Variants in CSPP1 observed in about 807,000 individuals in gnomAD.
CSPP1 encodes centrosome and spindle pole-associated protein 1.
Under a neutral mutation model 164.4 loss-of-function variants are expected in CSPP1, and 126 were observed. The ratio of observed to expected loss-of-function variants is 0.77; its 90% CI spans 0.66 to 0.89. The LOEUF is 0.89. CSPP1 is among the 40% of genes least tolerant of loss of function. CSPP1 has a pLI of 0.00. For synonymous variants in CSPP1, 472 were observed against 476.7 expected, an observed-to-expected ratio of 0.99 and a Z score of 0.13; for missense variants, 1,395 against 1,449.8, an observed-to-expected ratio of 0.96 and a Z score of 0.61.
At chr8:67,192,767 G>C (rs1211483527) in intron 29 of CSPP1, among the ~76,000 whole-genome samples, 1 of 152,190 alleles carries the variant, frequency 6.6e-6, no homozygotes. Flanking sequence ...TTTAAAGACT[G>C]TTCTCCCACT....
At chr8:67,068,439 T>A (rs553778796) in intron 1 of CSPP1, among the ~76,000 whole-genome samples, 9 of 152,350 alleles carry the variant, frequency 5.9e-5, no homozygotes, top group African/African-American at 1.4e-4. Context: ...TTGAAAAAAG[T>A]TGTGAGTGAC....
chr8:67,096,914 A>G (rs893860810), intron 7 of CSPP1, among the ~76,000 whole-genome samples: 25 of 152,182 alleles, frequency 1.6e-4, no homozygotes, highest in African/African-American at 6.0e-4. Flanking sequence ...TGAAAAAAGG[A>G]TACCTTAAAA....
intron 13 of CSPP1, among the ~76,000 whole-genome samples, chr8:67,116,895 T>C (rs564437579): frequency 6.6e-6 from 1 of 152,216 alleles, no homozygotes; most frequent in Non-Finnish European, 1.5e-5. Flanking sequence ...TTTTAGTTAC[T>C]AACCAACTGT....
chr8:67,124,045 G>A (rs1347909913), intron 15 of CSPP1, among the ~76,000 whole-genome samples: 3 of 149,410 alleles, frequency 2.0e-5, no homozygotes, highest in East Asian at 4.0e-4. Flanking sequence ...GACTACAGGC[G>A]CCCGCCACCA....
intron 4 of CSPP1, 23 bp from the exon 5 acceptor site, chr8:67,091,780 T>A: frequency 1.1e-6 from 1 of 914,934 alleles, no homozygotes; most frequent in Non-Finnish European, 1.5e-6. Context: ...GGTAATATAT[T>A]TTTTTAATGT....
intron 10 of CSPP1, among the ~76,000 whole-genome samples, chr8:67,113,202 G>A (rs1416427932): frequency 2.6e-5 from 4 of 152,086 alleles, no homozygotes; most frequent in Non-Finnish European, 5.9e-5. Flanking sequence ...CTGAGATAAC[G>A]CCAGTGCATT....
Position 67,095,451 on chromosome 8 carries a change from G to T in CSPP1, c.642G>T (p.Glu214Asp). Reference sequence around the variant, plus strand: ...TTCTGAACCAAAGACGACTAGAGGAGGACAGATACCGACAACTAGATGATG... The same window carrying T: ...TTCTGAACCAAAGACGACTAGAGGATGACAGATACCGACAACTAGATGATG... ...EELLNQRRLEEDRYRQLDDEI... is the reference protein window; with the variant it reads ...EELLNQRRLEDDRYRQLDDEI... Residue 214 changes from glutamate to aspartate, a missense_variant, in exon 7 of 31, where the codon GAG becomes GAT. Physicochemically the swap from Glu to Asp is conservative, Grantham distance 45 (BLOSUM62 2). Transcript: ENST00000678616. 6.2e-7 allele frequency: 1 copy of T among 1,613,328 alleles called. No homozygotes were observed. Among genetic ancestry groups the T allele is most frequent in the Non-Finnish European group, 8.5e-7 (1 of 1,179,876 alleles).
Position 67,121,179 on chromosome 8 carries a change from C to T in CSPP1, c.1697+2358C>T, listed in dbSNP as rs1818895231. ...CTTATTTTTCTTTCTTAATTACTTT[C>T]TTAATTACCCTGACTAGAGCTTCCA... is the stretch of plus-strand genomic sequence containing the variant. On this transcript the variant is annotated intron_variant, in intron 15 of 30. Coordinates refer to ENST00000678616, the MANE Select transcript of CSPP1 (RefSeq NM_001382391.1). Among the ~76,000 whole-genome samples the T allele has an allele frequency of 2.0e-5, 3 of 152,184 alleles. No homozygotes were observed. In the East Asian group the frequency reaches 5.8e-4, roughly 29 times the overall value.
At position 67,196,588 on chromosome 8, in the gene CSPP1, G is replaced by A. The variant is rs1296848559; in HGVS notation, c.*995G>A. ...TTGGTAGACAATATCAGACAAATTTGCCACAATTAAATTACTGATATTTTG... is the reference window on the plus strand; with the variant it reads ...TTGGTAGACAATATCAGACAAATTTACCACAATTAAATTACTGATATTTTG... On this transcript the variant is annotated 3_prime_UTR_variant, in exon 31 of 31. Coordinates refer to ENST00000678616, the MANE Select transcript of CSPP1 (RefSeq NM_001382391.1). 6.6e-6 allele frequency among the ~76,000 whole-genome samples: 1 copy of A among 152,098 alleles called. No individual in the cohort carries two copies. The highest frequency in any genetic ancestry group is 2.4e-5 in the African/African-American group (1 of 41,388).
At position 67,193,577 on chromosome 8, in the gene CSPP1, A is replaced by G; in HGVS notation, c.3444A>G (p.Glu1148=). The change falls in exon 30 of 31, where the codon GAA becomes GAG. Residue 1148 remains glutamate (E), a synonymous_variant. Coordinates refer to ENST00000678616, the MANE Select transcript of CSPP1 (RefSeq NM_001382391.1). Reference sequence around the variant, plus strand: ...AGGAACGAATGCGAAGACTGAATGAATTTCACAATAAACCTATTAATACAG... The same window carrying G: ...AGGAACGAATGCGAAGACTGAATGAGTTTCACAATAAACCTATTAATACAG... ...RNEERMRRLN[E]FHNKPINTDD... is the part of the protein sequence containing the mutation. 6.2e-7 allele frequency: 1 copy of G among 1,613,738 alleles called. No individual in the cohort carries two copies. Among genetic ancestry groups the G allele is most frequent in the Non-Finnish European group, 8.5e-7 (1 of 1,179,698 alleles).
At chr8:67,138,878 T>C (rs1355287334) in intron 17 of CSPP1, among the ~76,000 whole-genome samples, 2 of 152,224 alleles carry the variant, frequency 1.3e-5, no homozygotes, top group Non-Finnish European at 2.9e-5. Flanking sequence ...GCCTATGTCC[T>C]GAATGGTATT....
intron 15 of CSPP1, among the ~76,000 whole-genome samples, chr8:67,121,867 T>G (rs572940048): frequency 1.0e-3 from 153 of 152,232 alleles, no homozygotes; most frequent in Non-Finnish European, 1.9e-3. Flanking sequence ...AGATTTTCTT[T>G]TTCTTCATGA....
At chr8:67,179,535 A>G (rs1832512548) in intron 27 of CSPP1, among the ~76,000 whole-genome samples, 1 of 152,198 alleles carries the variant, frequency 6.6e-6, no homozygotes, top group Non-Finnish European at 1.5e-5. Context: ...ACTGTATTAT[A>G]TTTTCCATCA....
intron 16 of CSPP1, 77 bp from the exon 17 acceptor site, chr8:67,137,379 A>T: frequency 8.9e-7 from 1 of 1,126,106 alleles, no homozygotes; most frequent in Non-Finnish European, 1.2e-6. Context: ...AATACAAAAA[A>T]TAACATCTGG....
intron 1 of CSPP1, among the ~76,000 whole-genome samples, chr8:67,072,697 A>C (rs1001227894): frequency 2.6e-5 from 4 of 151,966 alleles, no homozygotes; most frequent in African/African-American, 9.7e-5. Context: ...TGTGTCTGCA[A>C]TAAACAAACA....
rs770665386 is a variant in CSPP1, at chr8:67,095,627, A to G, written c.818A>G (p.Tyr273Cys). The change falls in exon 7 of 31, where the codon TAT becomes TGT. Residue 273 changes from tyrosine (Y) to cysteine (C), a missense_variant. Coordinates refer to ENST00000678616, the MANE Select transcript of CSPP1 (RefSeq NM_001382391.1). The part of the protein sequence containing the change: ...FNEDRVFDRR[Y>C]HRPDQDPEVS... ...GAGGATCGTGTTTTTGATAGACGGT[A>G]TCATAGACCAGACCAAGATCCTGAA... The G allele has an allele frequency of 1.9e-6, 3 of 1,613,656 alleles. No homozygotes were observed. Among genetic ancestry groups the G allele is most frequent in the Non-Finnish European group, 2.5e-6 (3 of 1,179,624 alleles).
intron 30 of CSPP1, among the ~76,000 whole-genome samples, chr8:67,195,004 A>G (rs1447850977): frequency 6.6e-6 from 1 of 152,162 alleles, no homozygotes; most frequent in Admixed American, 6.5e-5. Flanking sequence ...AAAGAAAGAA[A>G]TTTTATGTGT....
At chr8:67,160,231 G>C in intron 21 of CSPP1, among the ~76,000 whole-genome samples, 1 of 150,544 alleles carries the variant, frequency 6.6e-6, no homozygotes, top group Non-Finnish European at 1.5e-5. Flanking sequence ...ATTTAAGGTC[G>C]AGGCAGGCGG....
At chr8:67,116,538 G>A (rs908144431) in intron 13 of CSPP1, among the ~76,000 whole-genome samples, 6 of 151,850 alleles carry the variant, frequency 4.0e-5, no homozygotes, top group Admixed American at 3.9e-4. Flanking sequence ...TTTTATTTTA[G>A]CTTCTGTTTC....
Sources: allele counts gnomAD v4.1 joint callset (sites outside exome capture counted in the v4.1 genomes callset), GRCh38; gene constraint gnomAD v4.1.1; transcripts MANE v1.5; gene names NCBI Gene and HGNC (gene_info 2026-07-23, HGNC 2026-07-21).